The following ASTN2 variants were observed in gnomAD, a reference collection of about 807,000 sequenced individuals.
ASTN2 encodes astrotactin-2.
In ASTN2, 54 loss-of-function variants were observed where a neutral mutation model predicts 139.8. The observed-to-expected ratio is 0.39, with a 90% confidence interval of 0.31 to 0.48. The LOEUF (loss-of-function observed/expected upper bound fraction) is 0.48. ASTN2 is among the 20% of genes least tolerant of loss of function. The pLI, the probability that ASTN2 is intolerant of heterozygous loss-of-function variation, is 0.95. For synonymous variants in ASTN2, 756 were observed against 719.5 expected, an observed-to-expected ratio of 1.05 and a Z score of -0.81; for missense variants, 1,565 against 1,725.1, an observed-to-expected ratio of 0.91 and a Z score of 1.64.
In ASTN2 at chr9:117,379,832, G is replaced by A. The variant is rs115823834; in HGVS notation, c.442+34665C>T. 2.7e-3 allele frequency among the ~76,000 whole-genome samples: 415 copies of A among 152,284 alleles called. 2 individuals are homozygous for A. Among genetic ancestry groups the A allele is most frequent in the African/African-American group, 9.7e-3 (404 of 41,566 alleles). On this transcript the variant is annotated intron_variant, in intron 1 of 22. Transcript: ENST00000313400. ...GGATGATAGGATTTATCACCTTGGG[G>A]AATTTCCATTAACATGGCTGAAAAG...
At chr9:116,785,426 T>C (rs1830344271) in intron 13 of ASTN2, among the ~76,000 whole-genome samples, 1 of 152,200 alleles carries the variant, frequency 6.6e-6, no homozygotes, top group Middle Eastern at 3.2e-3. Flanking sequence ...TAAGAATATA[T>C]ATTAGACATG....
chr9:116,518,577 G>A (rs1850743548), intron 19 of ASTN2, among the ~76,000 whole-genome samples: 2 of 152,032 alleles, frequency 1.3e-5, no homozygotes, highest in South Asian at 4.2e-4. Flanking sequence ...AATCTCACAG[G>A]ACCTATATAA....
At chr9:116,956,076 CTT>C (rs1321355430) in intron 10 of ASTN2, among the ~76,000 whole-genome samples, 1 of 145,726 alleles carries the variant, frequency 6.9e-6, no homozygotes, top group Non-Finnish European at 1.5e-5. Flanking sequence ...AATCAGAACT[CTT>C]TTTTCTTTTT....
At chr9:117,387,793 A>G (rs1830437628) in intron 1 of ASTN2, among the ~76,000 whole-genome samples, 1 of 152,216 alleles carries the variant, frequency 6.6e-6, no homozygotes, top group Non-Finnish European at 1.5e-5. Context: ...CATGCAGAGC[A>G]GGCCACAAGA....
chr9:116,640,325 G>C lies in ASTN2; in HGVS notation c.3072+11203C>G, dbSNP rs1163983420. On this transcript the variant is annotated intron_variant, in intron 17 of 22. Transcript: ENST00000313400. ...AAATAAAATAATAAAATTTGGAAGA[G>C]GAGGAGACACAGGCATCAATCAGTT... is the stretch of plus-strand genomic sequence containing the variant. Among the ~76,000 whole-genome samples the C allele has an allele frequency of 4.6e-5, 7 of 152,126 alleles. No homozygotes were observed. The South Asian group carries it at 6.2e-4, about 14-fold the overall frequency.
intron 5 of ASTN2, among the ~76,000 whole-genome samples, chr9:117,093,321 G>C (rs931817138): frequency 6.6e-6 from 1 of 152,078 alleles, no homozygotes; most frequent in African/African-American, 2.4e-5. Context: ...TGCCTTGCAG[G>C]TTTCAAGTAA....
chr9:117,193,339 T>C (rs1431171707), intron 3 of ASTN2, among the ~76,000 whole-genome samples: 1 of 151,990 alleles, frequency 6.6e-6, no homozygotes, highest in African/African-American at 2.4e-5. Context: ...GGCACTTTGA[T>C]GTTAAGAAAG....
At chr9:116,571,545 G>A (rs73524181) in intron 19 of ASTN2, among the ~76,000 whole-genome samples, 3,177 of 152,264 alleles carry the variant, frequency 0.021, 108 homozygotes, top group African/African-American at 0.072. Flanking sequence ...TGGGTGCTAC[G>A]TGAGTGGATG....
chr9:116,688,046 C>T (rs985779322), intron 16 of ASTN2, among the ~76,000 whole-genome samples: 1 of 151,652 alleles, frequency 6.6e-6, no homozygotes, highest in South Asian at 2.1e-4. Context: ...GCACAGTGCC[C>T]GATGGAATGC....
chr9:116,778,102 C>T lies in ASTN2; in HGVS notation c.2396+27530G>A, dbSNP rs527343120. On this transcript the variant is annotated intron_variant, in intron 13 of 22. Transcript: ENST00000313400. Reference sequence around the variant, plus strand: ...CCTCGTGATCTACCCACCTTGGCCTCCCAAAGTGCTGGGAGTACCATGCCT... The same window carrying T: ...CCTCGTGATCTACCCACCTTGGCCTTCCAAAGTGCTGGGAGTACCATGCCT... 4.6e-5 allele frequency among the ~76,000 whole-genome samples: 7 copies of T among 152,248 alleles called. No individual in the cohort carries two copies. The South Asian group carries it at 1.5e-3, about 32-fold the overall frequency.
chr9:116,969,747 G>A (rs1206517878), intron 10 of ASTN2, among the ~76,000 whole-genome samples: 1 of 152,136 alleles, frequency 6.6e-6, no homozygotes, highest in Non-Finnish European at 1.5e-5. Context: ...GCTACCTAGT[G>A]CATTTGTACT....
chr9:116,619,944 G>C (rs1387285327), intron 18 of ASTN2, among the ~76,000 whole-genome samples: 2 of 152,034 alleles, frequency 1.3e-5, no homozygotes, highest in African/African-American at 4.8e-5. Flanking sequence ...CGTAGAAGAG[G>C]TTCTCCAGTT....
intron 19 of ASTN2, among the ~76,000 whole-genome samples, chr9:116,511,912 T>G (rs1365316990): frequency 1.3e-5 from 2 of 152,138 alleles, no homozygotes; most frequent in African/African-American, 2.4e-5. Flanking sequence ...TTATGAGTCT[T>G]GCTAGTGGTC....
intron 8 of ASTN2, 137 bp downstream of exon 8, chr9:116,976,564 C>A: frequency 1.5e-6 from 1 of 673,418 alleles, no homozygotes; most frequent in Non-Finnish European, 2.5e-6. Flanking sequence ...ATTCACTTCC[C>A]ATTGGGTTTT....
intron 5 of ASTN2, among the ~76,000 whole-genome samples, chr9:117,064,076 G>T (rs1827860491): frequency 6.6e-6 from 1 of 151,944 alleles, no homozygotes; most frequent in African/African-American, 2.4e-5. Context: ...CTCCCTTTAT[G>T]TTCTGGCCGA....
chr9:117,298,981 C>G (rs1352144773), intron 1 of ASTN2, among the ~76,000 whole-genome samples: 3 of 151,986 alleles, frequency 2.0e-5, no homozygotes, highest in African/African-American at 7.3e-5. Context: ...CATACAGCAA[C>G]TCTACAGAAA....
chr9:116,807,097 A>G (rs961180900), intron 12 of ASTN2, among the ~76,000 whole-genome samples: 9 of 152,354 alleles, frequency 5.9e-5, no homozygotes, highest in Admixed American at 3.9e-4. Flanking sequence ...ATGTGCACAA[A>G]ATGACCCTGG....
At chr9:117,127,971 C>T (rs193302446) in intron 4 of ASTN2, among the ~76,000 whole-genome samples, 2,223 of 152,050 alleles carry the variant, frequency 0.015, 54 homozygotes, top group African/African-American at 0.05. Context: ...TGAGCCACCG[C>T]TCCCGGCCGG....
intron 10 of ASTN2, among the ~76,000 whole-genome samples, chr9:116,954,964 C>T (rs1835669987): frequency 6.6e-6 from 1 of 152,178 alleles, no homozygotes; most frequent in African/African-American, 2.4e-5. Context: ...GTTATATGTG[C>T]CAAAGTATAA....
Sources: allele counts gnomAD v4.1 joint callset (sites outside exome capture counted in the v4.1 genomes callset), GRCh38; gene constraint gnomAD v4.1.1; transcripts MANE v1.5; gene names NCBI Gene and HGNC (gene_info 2026-07-23, HGNC 2026-07-21).